Variants in COL5A1 observed in about 807,000 individuals in gnomAD.
COL5A1 encodes the protein collagen alpha-1(V) chain.
Under a neutral mutation model 263.7 loss-of-function variants are expected in COL5A1, and 16 were observed. That is an observed-to-expected ratio of 0.06 (90% CI 0.04 to 0.09). The LOEUF is 0.09. COL5A1 is among the 10% of genes least tolerant of loss of function. COL5A1 has a pLI of 1.00. For missense variants in COL5A1, 2,036 were observed against 2,540.5 expected (o/e 0.80, Z 4.27); for synonymous variants, 1,012 against 1,004.5 (o/e 1.01, Z -0.14).
intron 9 of COL5A1, among the ~76,000 whole-genome samples, chr9:134,734,007 G>A (rs946396636): frequency 3.9e-5 from 6 of 152,270 alleles, no homozygotes; most frequent in African/African-American, 1.2e-4. Context: ...TCCCCTCCCC[G>A]CTCTGGGAGG....
chr9:134,665,711 C>G (rs962345858), intron 1 of COL5A1, among the ~76,000 whole-genome samples: 2 of 152,174 alleles, frequency 1.3e-5, no homozygotes, highest in African/African-American at 2.4e-5. Context: ...GCTGGCGGCT[C>G]TGGGAGCTGA....
rs777835537 is a variant in COL5A1 at position 134,755,289 on chromosome 9, G to A, written c.1827+963G>A. Among the ~76,000 whole-genome samples, 1 of 152,120 alleles carries A rather than the reference G, an allele frequency of 6.6e-6. No individual in the cohort carries two copies. The highest frequency in any genetic ancestry group is 1.5e-5 in the Non-Finnish European group (1 of 68,034). ...TTTTATTTCCTTAAGGTGTTTTTGT[G>A]TGTCTCCGTAAATCCTTCCCACCCA... is the stretch of plus-strand genomic sequence containing the variant. On this transcript the variant is annotated intron_variant, in intron 16 of 65. Transcript: ENST00000371817. The surrounding 1 kb of genome is among the most constrained non-coding windows in gnomAD (Gnocchi z 4.1).
In COL5A1 at chr9:134,822,120, G is replaced by C. The variant is rs770238710; in HGVS notation, c.4578G>C (p.Pro1526=). 6.4e-7 allele frequency: 1 copy of C among 1,560,636 alleles called. No individual in the cohort carries two copies. Among genetic ancestry groups the C allele is most frequent in the Non-Finnish European group, 8.7e-7 (1 of 1,146,798 alleles). The change falls in exon 59 of 66, where the codon CCG becomes CCC. Residue 1526 remains proline, a synonymous_variant. Coordinates refer to ENST00000371817, the MANE Select transcript of COL5A1 (RefSeq NM_000093.5). The part of the protein sequence containing the change: ...GEQGITGPSG[P]IGPPGPPGLP... The stretch of plus-strand genomic sequence containing the variant: ...AGGGTATCACTGGTCCTTCTGGCCC[G>C]ATTGGGCCTCCTGGGCCCCCTGGCC...
chr9:134,693,697 G>A (rs957720275), intron 2 of COL5A1, among the ~76,000 whole-genome samples: 3 of 152,110 alleles, frequency 2.0e-5, no homozygotes, highest in African/African-American at 7.2e-5. Context: ...CCTTCCGCCC[G>A]GCCCTCCGAG....
In COL5A1 at chr9:134,652,621, A is replaced by T; in HGVS notation, c.109+10325A>T. The T allele has an allele frequency of 2.1e-6, 1 of 466,512 alleles. No individual in the cohort carries two copies. Among genetic ancestry groups the T allele is most frequent in the Non-Finnish European group, 4.5e-6 (1 of 224,426 alleles). The allele number at this position is 466,512 out of a possible 1,614,324, so 28.9% of individuals were successfully genotyped here. On this transcript the variant is annotated intron_variant, in intron 1 of 65. Transcript: ENST00000371817. The surrounding 1 kb of genome is among the most constrained non-coding windows in gnomAD (Gnocchi z 4.4). ...TGCTCTGCACCCCACAGTGCACGGG[A>T]CAGCCCCCACCAAAAAGACTGACCC...
chr9:134,786,580 C>T (rs4072076), intron 31 of COL5A1, among the ~76,000 whole-genome samples: 2,624 of 152,124 alleles, frequency 0.017, 30 homozygotes, highest in East Asian at 0.036. Flanking sequence ...ACCTCACCGG[C>T]GATTTGAAGG....
chr9:134,657,529 G>T (rs1205868836), intron 1 of COL5A1, among the ~76,000 whole-genome samples: 1 of 84,974 alleles, frequency 1.2e-5, no homozygotes, highest in Non-Finnish European at 2.3e-5. Context: ...ATGGGGGTGG[G>T]GTGGGGGTGT....
At chr9:134,812,556 G>T (rs1838564877) in intron 47 of COL5A1, 49 bp from the exon 48 acceptor site, 1 of 1,612,084 alleles carries the variant, frequency 6.2e-7, no homozygotes, top group South Asian at 1.1e-5. Flanking sequence ...CATGTTTTGG[G>T]GAAACATTTG....
In COL5A1 at chr9:134,681,796, T is replaced by C. The variant is rs993628633; in HGVS notation, c.110-9116T>C. On this transcript the variant is annotated intron_variant, in intron 1 of 65. Transcript: ENST00000371817. The surrounding 1 kb of genome is among the most constrained non-coding windows in gnomAD (Gnocchi z 4.3). ...TGAAGACCTCAAGCTTGGGGTTATT[T>C]AGAGACTCTCAAGTTTTTCTTGAAG... Among the ~76,000 whole-genome samples the C allele has an allele frequency of 1.2e-4, 18 of 152,208 alleles. No individual in the cohort carries two copies. Among genetic ancestry groups the C allele is most frequent in the African/African-American group, 4.3e-4 (18 of 41,458 alleles).
At position 134,810,244 on chromosome 9, in the gene COL5A1, C is replaced by T; in HGVS notation, c.3475-11C>T. ...AAGCTTTCTAACCGAATCCCCCACA[C>T]CTTCCCCTAGGGAGAGATCGGGGAG... On this transcript the variant is annotated splice_polypyrimidine_tract_variant and intron_variant, in intron 43 of 65. Coordinates refer to ENST00000371817, the MANE Select transcript of COL5A1 (RefSeq NM_000093.5). The T allele has an allele frequency of 1.9e-6, 3 of 1,614,028 alleles. No homozygotes were observed. The highest frequency in any genetic ancestry group is 2.5e-6 in the Non-Finnish European group (3 of 1,179,846).
chr9:134,772,701 T>C lies in COL5A1; in HGVS notation c.2287-89T>C, dbSNP rs144441595. 4.6e-4 allele frequency: 619 copies of C among 1,346,324 alleles called. 7 individuals are homozygous for C. The African/African-American group carries it at 8.0e-3, about 17-fold the overall frequency. 83.4% of individuals were successfully genotyped at this position (1,346,324 alleles called of 1,614,324 possible). A position where few individuals can be genotyped will look rare whatever the true frequency, so the allele number is the denominator to read the frequency against. On this transcript the variant is annotated intron_variant, in intron 25 of 65. Transcript: ENST00000371817. Reference sequence around the variant, plus strand: ...TGGGGAGGAAGGGAAATGGGCTCCATGATCATGGATGCTACGCAGGGAGGG... The same window carrying C: ...TGGGGAGGAAGGGAAATGGGCTCCACGATCATGGATGCTACGCAGGGAGGG...
intron 1 of COL5A1, among the ~76,000 whole-genome samples, chr9:134,665,529 A>C (rs561324703): frequency 6.6e-6 from 1 of 152,358 alleles, no homozygotes; most frequent in Admixed American, 6.5e-5. Context: ...AAAGGGATGC[A>C]TACAAATTGG....
At position 134,758,660 on chromosome 9, in the gene COL5A1, C is replaced by T. The variant is rs75087995; in HGVS notation, c.1935+364C>T. On this transcript the variant is annotated intron_variant, in intron 18 of 65. Transcript: ENST00000371817. The surrounding 1 kb of genome is among the most constrained non-coding windows in gnomAD (Gnocchi z 4.1). ...ATCCAAGCAGCTGCCATTTCAGGGG[C>T]GGCCAAGGACACTTTGCAATATTAA... is the stretch of plus-strand genomic sequence containing the variant. Among the ~76,000 whole-genome samples, 2,964 of 152,164 alleles carry T rather than the reference C, an allele frequency of 0.019. 92 individuals carry two copies. The highest frequency in any genetic ancestry group is 0.068 in the African/African-American group (2,808 of 41,480).
At position 134,730,344 on chromosome 9, in the gene COL5A1, G is replaced by A. The variant is rs1266624154; in HGVS notation, c.1033G>A (p.Asp345Asn). 6 of 1,614,128 alleles carry A rather than the reference G, an allele frequency of 3.7e-6. No individual in the cohort carries two copies. Among genetic ancestry groups the A allele is most frequent in the Admixed American group, 1.7e-5 (1 of 60,010 alleles). Residue 345 changes from aspartate to asparagine, a missense_variant, in exon 7 of 66, where the codon GAC becomes AAC. Asp to Asn is a conservative substitution (Grantham distance 23). This residue lies in a region of COL5A1 where 600 missense variants were observed against 634.5 expected (regional missense o/e 0.95). Transcript: ENST00000371817. The part of the protein sequence containing the change: ...IGDYDYVPSE[D>N]YYTPSPYDDL... ...GGACTATGACTACGTGCCCAGTGAG[G>A]ACTACTACACGCCCTCACCGTATGA...
intron 65 of COL5A1, among the ~76,000 whole-genome samples, chr9:134,835,633 A>G (rs1839826343): frequency 6.6e-6 from 1 of 152,292 alleles, no homozygotes; most frequent in Non-Finnish European, 1.5e-5. Context: ...AACACTGCAG[A>G]CAGTTGCCAG....
chr9:134,803,107 C>T, intron 39 of COL5A1, 112 bp downstream of exon 39: 2 of 880,050 alleles, frequency 2.3e-6, no homozygotes, highest in East Asian at 2.6e-5. Context: ...CAAACAGACG[C>T]TTCTCATGCC....
chr9:134,728,508 T>C (rs1834739787), intron 5 of COL5A1, among the ~76,000 whole-genome samples, 162 bp from the exon 6 acceptor site: 1 of 152,170 alleles, frequency 6.6e-6, no homozygotes, highest in Non-Finnish European at 1.5e-5. Flanking sequence ...TCCAAGGAGC[T>C]GGAGAGGGAG....
At chr9:134,704,421 A>C (rs1436462776) in intron 4 of COL5A1, among the ~76,000 whole-genome samples, 1 of 152,190 alleles carries the variant, frequency 6.6e-6, no homozygotes, top group Non-Finnish European at 1.5e-5. Context: ...TGTGGTTTTC[A>C]AAAGGAAATG....
chr9:134,716,407 G>A lies in COL5A1; in HGVS notation c.655-10859G>A, dbSNP rs959939613. The stretch of plus-strand genomic sequence containing the variant: ...CGAGTGAACATCCCCTGTGCTCAGC[G>A]ATGCCCCGTGTGCCATAAAACAGTG... On this transcript the variant is annotated intron_variant, in intron 4 of 65. Coordinates refer to ENST00000371817, the MANE Select transcript of COL5A1 (RefSeq NM_000093.5). The surrounding 1 kb of genome is among the most constrained non-coding windows in gnomAD (Gnocchi z 4.5). 6.6e-6 allele frequency among the ~76,000 whole-genome samples: 1 copy of A among 152,072 alleles called. No homozygotes were observed. The highest frequency in any genetic ancestry group is 2.4e-5 in the African/African-American group (1 of 41,386).
Sources: gnomAD v4.1 joint callset for allele counts (sites outside exome capture counted in the v4.1 genomes callset) on GRCh38, gnomAD v4.1.1 for gene constraint, gnomAD v4.1.1 regional missense constraint, Gnocchi (gnomAD v3.1) non-coding constraint, MANE v1.5 for transcripts, NCBI Gene and HGNC (gene_info 2026-07-23, HGNC 2026-07-21) for gene names.